NALCN: variants seen among roughly 807,000 people sequenced by gnomAD.
The protein encoded by NALCN is sodium leak channel NALCN.
A neutral mutation model predicts 225.3 loss-of-function variants in NALCN; 111 were observed. The observed-to-expected ratio is 0.49, with a 90% CI of 0.42 to 0.58. The LOEUF is 0.58. Ranked by LOEUF, NALCN falls within the 20% of genes least tolerant of loss-of-function variation. NALCN has a pLI of 0.00. For missense variants in NALCN, 1,378 were observed against 2,202.4 expected, an observed-to-expected ratio of 0.63 and a Z score of 7.49; for synonymous variants, 764 against 769.0, an observed-to-expected ratio of 0.99 and a Z score of 0.11.
intron 12 of NALCN, among the ~76,000 whole-genome samples, chr13:101,230,214 T>C (rs139188699): frequency 0.02 from 3,068 of 152,292 alleles, 85 homozygotes; most frequent in African/African-American, 0.062. Context: ...CCAAAACACT[T>C]CTGTTCCCAA....
intron 11 of NALCN, among the ~76,000 whole-genome samples, chr13:101,248,885 C>G (rs1195370627): frequency 3.3e-5 from 5 of 152,088 alleles, no homozygotes; most frequent in Admixed American, 1.3e-4. Context: ...TGGAAACCCC[C>G]GAGTTTTTAG....
intron 7 of NALCN, among the ~76,000 whole-genome samples, chr13:101,320,087 T>C (rs536680182): frequency 6.6e-6 from 1 of 152,344 alleles, no homozygotes; most frequent in East Asian, 1.9e-4. Flanking sequence ...TAAGTTCTAT[T>C]GTCCATCTTT....
intron 1 of NALCN, among the ~76,000 whole-genome samples, chr13:101,407,646 A>C (rs2047661557): frequency 6.6e-6 from 1 of 152,242 alleles, no homozygotes; most frequent in African/African-American, 2.4e-5. Context: ...TTCCCACTAC[A>C]GAGATTAAAA....
intron 38 of NALCN, 139 bp downstream of exon 38, chr13:101,068,556 G>T: frequency 1.1e-6 from 1 of 899,888 alleles, no homozygotes; most frequent in Non-Finnish European, 1.5e-6. Flanking sequence ...TTCAGCTTCT[G>T]GATTGAGAGA....
chr13:101,212,504 G>A (rs1359487209), intron 13 of NALCN, among the ~76,000 whole-genome samples: 3 of 152,162 alleles, frequency 2.0e-5, no homozygotes, highest in African/African-American at 7.2e-5. Context: ...AAAGAGGGCA[G>A]TGAGTACATT....
At chr13:101,181,351 A>G (rs1244055603) in intron 14 of NALCN, 4 of 518,662 alleles carry the variant, frequency 7.7e-6, no homozygotes, top group South Asian at 5.6e-5. Context: ...GAATAATCAC[A>G]AAGTGATGAC....
At chr13:101,127,405 T>C (rs535516271) in intron 17 of NALCN, among the ~76,000 whole-genome samples, 22 of 152,276 alleles carry the variant, frequency 1.4e-4, no homozygotes, top group Non-Finnish European at 2.1e-4. Context: ...GTTGCCCAGG[T>C]TGGAGGGCAG....
intron 10 of NALCN, among the ~76,000 whole-genome samples, chr13:101,273,526 T>C (rs1360647586): frequency 6.6e-6 from 1 of 152,222 alleles, no homozygotes; most frequent in Non-Finnish European, 1.5e-5. Flanking sequence ...AAGCATTTAA[T>C]ATTTTAGATT....
chr13:101,173,759 GGA>G (rs762057794), intron 15 of NALCN, among the ~76,000 whole-genome samples: 21 of 152,156 alleles, frequency 1.4e-4, no homozygotes, highest in Non-Finnish European at 2.4e-4. Flanking sequence ...TCTCTATCTG[GGA>G]GTAGTAAAAA....
At chr13:101,352,369 C>A (rs1296363195) in intron 6 of NALCN, among the ~76,000 whole-genome samples, 1 of 152,052 alleles carries the variant, frequency 6.6e-6, no homozygotes, top group African/African-American at 2.4e-5. Flanking sequence ...AAAGGATGCA[C>A]ACGTACTAGT....
intron 13 of NALCN, among the ~76,000 whole-genome samples, chr13:101,213,685 A>G (rs2040613389): frequency 2.0e-5 from 3 of 152,260 alleles, no homozygotes; most frequent in Admixed American, 1.3e-4. Flanking sequence ...CAAAAGACAC[A>G]TGAAAAAATG....
intron 10 of NALCN, among the ~76,000 whole-genome samples, chr13:101,261,071 G>A (rs1042199328): frequency 6.6e-6 from 1 of 152,094 alleles, no homozygotes; most frequent in African/African-American, 2.4e-5. Context: ...ATAGGGGTTA[G>A]TTTCATTCTT....
At chr13:101,060,010 T>C in intron 41 of NALCN, 43 bp from the exon 42 acceptor site, 2 of 1,605,596 alleles carry the variant, frequency 1.2e-6, no homozygotes, top group Non-Finnish European at 1.7e-6. Flanking sequence ...AAGCCCAGCA[T>C]CCTGCCTGCC....
chr13:101,107,591 T>G lies in NALCN; in HGVS notation c.2475A>C (p.Glu825Asp), dbSNP rs868213131. ...AEMKRKVQEE[E>D]LRENHPYFDK... ...CGAAGTATGGGTGGTTCTCTCTGAG[T>G]TCCTCTTCTTGCACTTTCCTTGAAG... is the stretch of plus-strand genomic sequence containing the variant. The change falls in exon 22 of 44, where the codon GAA becomes GAC. Residue 825 changes from glutamate to aspartate, a missense_variant. Physicochemically the swap from Glu to Asp is conservative, Grantham distance 45. Transcript: ENST00000251127. 6.2e-7 allele frequency: 1 copy of G among 1,614,068 alleles called. No homozygotes were observed. The highest frequency in any genetic ancestry group is 1.7e-4 in the Middle Eastern group (1 of 6,060).
At chr13:101,409,389 T>A (rs767989741) in intron 1 of NALCN, among the ~76,000 whole-genome samples, 20 of 152,272 alleles carry the variant, frequency 1.3e-4, no homozygotes, top group Non-Finnish European at 2.2e-4. Flanking sequence ...ATAACACAGA[T>A]CTCTCGAGCT....
chr13:101,297,782 C>T lies in NALCN; in HGVS notation c.800-5416G>A, dbSNP rs760546675. 7.4e-4 allele frequency among the ~76,000 whole-genome samples: 113 copies of T among 152,280 alleles called. 1 individual carries two copies. Among genetic ancestry groups the T allele is most frequent in the African/African-American group, 2.4e-3 (99 of 41,558 alleles). On this transcript the variant is annotated intron_variant, in intron 7 of 43. Transcript: ENST00000251127. ...TGTTTATGAAATTGGCCTGATTATC[C>T]GGCTTCATTTACTGTCTGGGAATAG...
rs542474099 is a variant in NALCN at position 101,353,421 on chromosome 13, G to A, written c.645-8001C>T. ...TTTTCACTCTTATTTAGCTTCCTCTGGTCAGGATTAATTATAAACTCCTAT... is the reference window on the plus strand; with the variant it reads ...TTTTCACTCTTATTTAGCTTCCTCTAGTCAGGATTAATTATAAACTCCTAT... On this transcript the variant is annotated intron_variant, in intron 6 of 43. Transcript: ENST00000251127. Among the ~76,000 whole-genome samples, 15 of 152,214 alleles carry A rather than the reference G, an allele frequency of 9.9e-5. No individual in the cohort carries two copies. In the South Asian group the frequency reaches 3.1e-3, roughly 32 times the overall value.
intron 7 of NALCN, among the ~76,000 whole-genome samples, chr13:101,323,531 A>G (rs2044831407): frequency 6.6e-6 from 1 of 152,182 alleles, no homozygotes; most frequent in South Asian, 2.1e-4. Context: ...TTAATATTGT[A>G]TTTCCTCAGT....
intron 7 of NALCN, among the ~76,000 whole-genome samples, chr13:101,320,576 A>G (rs2044709917): frequency 6.6e-6 from 1 of 152,078 alleles, no homozygotes; most frequent in Non-Finnish European, 1.5e-5. Flanking sequence ...AGAGTGGGGG[A>G]GGAAAAAAAG....
Sources: allele counts gnomAD v4.1 joint callset (sites outside exome capture counted in the v4.1 genomes callset), GRCh38; gene constraint gnomAD v4.1.1; transcripts MANE v1.5; gene names NCBI Gene and HGNC (gene_info 2026-07-23, HGNC 2026-07-21).